The following BAZ2A variants were observed in gnomAD, a reference collection of about 807,000 sequenced individuals.
BAZ2A encodes bromodomain adjacent to zinc finger domain protein 2A.
BAZ2A carries 34 observed loss-of-function variants against 199.9 expected under a neutral mutation model. That is an observed-to-expected ratio of 0.17 (90% CI 0.13 to 0.23). BAZ2A has a LOEUF of 0.23. Ranked by LOEUF, BAZ2A falls within the 10% of genes least tolerant of loss-of-function variation. The probability of loss-of-function intolerance (pLI) is 1.00; values close to 1 mark genes in which losing one functional copy is unlikely to be tolerated. For missense variants in BAZ2A, 2,002 were observed against 2,391.1 expected, an observed-to-expected ratio of 0.84 and a Z score of 3.39; for synonymous variants, 857 against 883.9, an observed-to-expected ratio of 0.97 and a Z score of 0.54.
chr12:56,627,909 T>C (rs1262918617), intron 1 of BAZ2A, among the ~76,000 whole-genome samples: 3 of 149,266 alleles, frequency 2.0e-5, no homozygotes, highest in South Asian at 2.1e-4. Flanking sequence ...AGACCAGGCA[T>C]GGTGGCTCAC....
At chr12:56,628,860 A>G (rs1008332500) in intron 1 of BAZ2A, among the ~76,000 whole-genome samples, 3 of 152,116 alleles carry the variant, frequency 2.0e-5, no homozygotes, top group Non-Finnish European at 4.4e-5. Context: ...AATTTGCATC[A>G]CTTACATAGA....
intron 11 of BAZ2A, 135 bp from the exon 12 acceptor site, chr12:56,606,447 T>A: frequency 2.5e-6 from 3 of 1,216,436 alleles, no homozygotes; most frequent in Non-Finnish European, 3.6e-6. Context: ...GGATTAATTC[T>A]CTCACCCTAG....
In BAZ2A at chr12:56,602,733, T is replaced by C. The variant is rs996717922; in HGVS notation, c.3404A>G (p.Glu1135Gly). The change falls in exon 19 of 29, where the codon GAA (glutamate) becomes GGA (glycine). Residue 1135 changes from glutamate (E) to glycine (G), a missense_variant. Transcript: ENST00000549884. ...CCTACCTAAGTTCCCCTCTGTTCCT[T>C]CTACAAAGATACCAGCCAAATACGG... is the stretch of plus-strand genomic sequence containing the variant. ...VLPYLAGIFV[E>G]GTEGNLVPEE... 1 of 1,613,898 alleles carries C rather than the reference T, an allele frequency of 6.2e-7. No homozygotes were observed. The highest frequency in any genetic ancestry group is 8.5e-7 in the Non-Finnish European group (1 of 1,179,806).
At chr12:56,631,819 G>A (rs1187413422), upstream of BAZ2A, among the ~76,000 whole-genome samples, 2 of 152,100 alleles carry the variant, frequency 1.3e-5, no homozygotes, top group Non-Finnish European at 2.9e-5. Context: ...GAGTTGGGGG[G>A]TGAGATCCAT....
At chr12:56,600,173 C>A (rs1209864099) in intron 24 of BAZ2A, 28 bp downstream of exon 24, 3 of 1,612,152 alleles carry the variant, frequency 1.9e-6, no homozygotes, top group African/African-American at 2.7e-5. Context: ...CTCTCCAAGA[C>A]CAAGAATGGA....
chr12:56,634,872 G>C (rs1951409590), upstream of BAZ2A: 4 of 972,540 alleles, frequency 4.1e-6, no homozygotes, highest in South Asian at 1.9e-4. Flanking sequence ...GGGCAGCAGG[G>C]ATCCCGGGGC....
At chr12:56,608,502 A>G (rs1420702478) in intron 10 of BAZ2A, among the ~76,000 whole-genome samples, 1 of 152,098 alleles carries the variant, frequency 6.6e-6, no homozygotes, top group Non-Finnish European at 1.5e-5. Flanking sequence ...TAAACACACT[A>G]TTTACTGAAA....
rs764821647 is a variant in BAZ2A, at chr12:56,606,215, A to G, written c.2259+32T>C. 3.1e-6 allele frequency: 5 copies of G among 1,613,492 alleles called. No homozygotes were observed. The East Asian group carries it at 1.1e-4, about 36-fold the overall frequency. On this transcript the variant is annotated intron_variant, in intron 12 of 28. Coordinates refer to ENST00000549884, the MANE Select transcript of BAZ2A (RefSeq NM_001300905.2). ...GCAAAATCAGTTTAGTGGCTTCGAAATTATACTTGGCAAGTTTGTACATGC... is the reference window on the plus strand; with the variant it reads ...GCAAAATCAGTTTAGTGGCTTCGAAGTTATACTTGGCAAGTTTGTACATGC...
chr12:56,597,891 AGG>A lies in BAZ2A; in HGVS notation c.*725_*726del, dbSNP rs1885989938. 6.5e-6 allele frequency: 1 copy of A among 152,686 alleles called. No homozygotes were observed. The allele number at this position is 152,686 out of a possible 1,614,324, so 9.5% of individuals were successfully genotyped here. ...ATGTGAGGAGCATCCAACATCATAC[AGG>A]GGATAGCTATCGGCAGGAAGATGGG... On this transcript the variant is annotated 3_prime_UTR_variant, in exon 29 of 29. Coordinates refer to ENST00000549884, the MANE Select transcript of BAZ2A (RefSeq NM_001300905.2).
chr12:56,630,252 G>A lies in BAZ2A; in HGVS notation c.-130C>T. ...CTGGGGAGGGGGTCTGGGGTCCGGG[G>A]TTCGGGAAGGGGGAGGGGGACGCGG... is the stretch of plus-strand genomic sequence containing the variant. On this transcript the variant is annotated 5_prime_UTR_variant, in exon 1 of 29. Transcript: ENST00000549884. 6 of 956,398 alleles carry A rather than the reference G, an allele frequency of 6.3e-6. No individual in the cohort carries two copies. The highest frequency in any genetic ancestry group is 7.5e-6 in the Non-Finnish European group (6 of 803,242). 59.2% of individuals were successfully genotyped at this position (956,398 alleles called of 1,614,324 possible). A position where few individuals can be genotyped will look rare whatever the true frequency, so the allele number is the denominator to read the frequency against.
rs771649179 is a variant in BAZ2A, at chr12:56,600,032, C to A, written c.4957G>T (p.Ala1653Ser). Residue 1653 changes from alanine (A) to serine (S), a missense_variant, in exon 25 of 29, where the codon GCC (alanine) becomes TCC (serine). By Grantham distance (99) the Ala-to-Ser change is moderately conservative. Transcript: ENST00000549884. ...TGGCCCAGGCACAAGCACACCTGGG[C>A]TGCGCTCCGGCACCGCTCGAGGGTC... is the stretch of plus-strand genomic sequence containing the variant. ...RQTLERCRSA[A>S]QVCLCLGQLE... 4 of 1,613,952 alleles carry A rather than the reference C, an allele frequency of 2.5e-6. No individual in the cohort carries two copies. Among genetic ancestry groups the A allele is most frequent in the Non-Finnish European group, 3.4e-6 (4 of 1,179,916 alleles).
chr12:56,634,138 C>T (rs1293643990), upstream of BAZ2A, among the ~76,000 whole-genome samples: 1 of 152,168 alleles, frequency 6.6e-6, no homozygotes, highest in Non-Finnish European at 1.5e-5. Flanking sequence ...AGAGAAAGCC[C>T]CTATTTCCTA....
upstream of BAZ2A, among the ~76,000 whole-genome samples, chr12:56,632,466 C>T (rs1425340180): frequency 6.6e-6 from 1 of 152,062 alleles, no homozygotes; most frequent in African/African-American, 2.4e-5. Flanking sequence ...GCCCGTCAGA[C>T]GGGTGTAGCC....
At position 56,600,093 on chromosome 12, in the gene BAZ2A, T is replaced by C. The variant is rs751383920; in HGVS notation, c.4896A>G (p.Ser1632=). 1.2e-5 allele frequency: 19 copies of C among 1,613,876 alleles called. No individual in the cohort carries two copies. The highest frequency in any genetic ancestry group is 1.4e-5 in the Non-Finnish European group (17 of 1,179,840). Residue 1632 remains serine (S), a synonymous_variant, in exon 25 of 29, where the codon TCA becomes TCG. Coordinates refer to ENST00000549884, the MANE Select transcript of BAZ2A (RefSeq NM_001300905.2). ...CACGAATGCGAGGGGTGATCTCATATGATCTGGAGGGAGAAAGTGGTGATC... is the reference window on the plus strand; with the variant it reads ...CACGAATGCGAGGGGTGATCTCATACGATCTGGAGGGAGAAAGTGGTGATC... ...GAPEGTTTEI[S]YEITPRIRVW...
intron 1 of BAZ2A, among the ~76,000 whole-genome samples, chr12:56,629,377 T>C (rs74869219): frequency 6.6e-6 from 1 of 152,320 alleles, no homozygotes; most frequent in South Asian, 2.1e-4. Flanking sequence ...CGGTATCATC[T>C]TTCTGCCACG....
upstream of BAZ2A, chr12:56,638,150 G>T (rs1469765991): frequency 1.3e-5 from 8 of 595,614 alleles, no homozygotes; most frequent in East Asian, 2.3e-4. Flanking sequence ...TGACTATGTT[G>T]TCAGAACCAA....
At chr12:56,604,893 A>G in intron 14 of BAZ2A, 94 bp from the exon 15 acceptor site, 4 of 1,445,038 alleles carry the variant, frequency 2.8e-6, no homozygotes, top group Non-Finnish European at 3.8e-6. Context: ...GAAGAGAACT[A>G]TGGGGGTTAA....
At chr12:56,605,369 CAGA>C (rs1198956192) in intron 13 of BAZ2A, 42 bp from the exon 14 acceptor site, 2 of 1,528,570 alleles carry the variant, frequency 1.3e-6, no homozygotes, top group Non-Finnish European at 1.8e-6. Context: ...TTAAACATAA[CAGA>C]AGATGACAAT....
In BAZ2A at chr12:56,616,799, A is replaced by G. The variant is rs548621230; in HGVS notation, c.136+596T>C. Among the ~76,000 whole-genome samples the G allele has an allele frequency of 1.7e-4, 26 of 152,326 alleles. No homozygotes were observed. In the South Asian group the frequency reaches 5.4e-3, roughly 32 times the overall value. On this transcript the variant is annotated intron_variant, in intron 2 of 28. Coordinates refer to ENST00000549884, the MANE Select transcript of BAZ2A (RefSeq NM_001300905.2). Reference sequence around the variant, plus strand: ...GGACTTGAAACCCAAGCAAGATTACAGAGGTACCTGGCGAGTCATGGTACA... The same window carrying G: ...GGACTTGAAACCCAAGCAAGATTACGGAGGTACCTGGCGAGTCATGGTACA...
Sources: gnomAD v4.1 joint callset for allele counts (sites outside exome capture counted in the v4.1 genomes callset) on GRCh38, gnomAD v4.1.1 for gene constraint, MANE v1.5 for transcripts, NCBI Gene and HGNC (gene_info 2026-07-23, HGNC 2026-07-21) for gene names.